The following EWSR1 variants were observed in gnomAD, a reference collection of about 807,000 sequenced individuals.
EWSR1 encodes EWS RNA binding protein 1, also known as RNA-binding protein EWS.
Under a neutral mutation model 92.1 loss-of-function variants are expected in EWSR1, and 14 were observed. The observed-to-expected ratio is 0.15, with a 90% CI of 0.10 to 0.24. The LOEUF (loss-of-function observed/expected upper bound fraction) is 0.24. Among genes scored for constraint, EWSR1 ranks in the 10% least tolerant of loss-of-function variants. The probability of loss-of-function intolerance (pLI) is 1.00; values close to 1 mark genes in which losing one functional copy is unlikely to be tolerated. For missense variants in EWSR1, 637 were observed against 870.9 expected, an observed-to-expected ratio of 0.73 and a Z score of 3.38; for synonymous variants, 303 against 292.9, an observed-to-expected ratio of 1.03 and a Z score of -0.35.
At position 29,291,575 on chromosome 22, in the gene EWSR1, C is replaced by T. The variant is rs1353803652; in HGVS notation, c.988C>T (p.Arg330Ter). 1 of 1,613,448 alleles carries T rather than the reference C, an allele frequency of 6.2e-7. No homozygotes were observed. The highest frequency in any genetic ancestry group is 8.5e-7 in the Non-Finnish European group (1 of 1,179,804). Residue 330 changes from arginine (R) to a stop codon, truncating the protein, a stop_gained, in exon 9 of 17, where the codon CGA becomes TGA. Transcript: ENST00000397938. LOFTEE classifies it high-confidence loss of function. ...GRGGMGSAGE[R>*]GGFNKPGGPM... ...TTATCCCCCCAGCAGCGCTGGAGAG[C>T]GAGGTGGCTTCAATAAGCCTGGTGG...
chr22:29,298,370 G>T (rs1474377997), intron 13 of EWSR1, among the ~76,000 whole-genome samples: 1 of 152,158 alleles, frequency 6.6e-6, no homozygotes, highest in Non-Finnish European at 1.5e-5. Flanking sequence ...GCCGGGTATG[G>T]TGGTGCATGC....
chr22:29,292,689 GT>G, intron 11 of EWSR1, 83 bp downstream of exon 11: 2 of 797,162 alleles, frequency 2.5e-6, no homozygotes, highest in Non-Finnish European at 4.0e-6. Context: ...GTTGAGAGTT[GT>G]TTTCTAAGGT....
At chr22:29,296,461 C>T in intron 12 of EWSR1, 93 bp downstream of exon 12, 1 of 1,482,130 alleles carries the variant, frequency 6.7e-7, no homozygotes, top group Non-Finnish European at 9.2e-7. Context: ...GAAGACCTTC[C>T]ATCTCTTCCT....
chr22:29,278,010 G>T lies in EWSR1; in HGVS notation c.227-20G>T, dbSNP rs139296248. 17 of 1,605,290 alleles carry T rather than the reference G, an allele frequency of 1.1e-5. No individual in the cohort carries two copies. In the African/African-American group the frequency reaches 2.0e-4, roughly 19 times the overall value. On this transcript the variant is annotated intron_variant, in intron 4 of 16. Transcript: ENST00000397938. ...TCTCTGAGGGGACCTGAAATCTGAT[G>T]CAGCTCTCCTTTGTTCTAGGTTATA...
chr22:29,286,091 G>A (rs560155978), intron 6 of EWSR1, among the ~76,000 whole-genome samples: 1 of 152,080 alleles, frequency 6.6e-6, no homozygotes, highest in African/African-American at 2.4e-5. Flanking sequence ...TGCCTGCCTC[G>A]GCCTCCCAAA....
rs71196650 is a variant in EWSR1, at chr22:29,280,862, G to GTT, written c.414-1492_414-1491dup. ...CTAATTTTGTGTGTGTGTGTGTGTT[G>GTT]TTTTTTTTTTTTTTTTTTTTTTTTT... On this transcript the variant is annotated intron_variant, in intron 5 of 16. Transcript: ENST00000397938. Among the ~76,000 whole-genome samples the GTT allele has an allele frequency of 2.5e-4, 16 of 62,902 alleles. 1 individual carries two copies. The highest frequency in any genetic ancestry group is 4.3e-4 in the Non-Finnish European group (14 of 32,242). The allele number at this position is 62,902 out of a possible 152,430, so 41.3% of individuals were successfully genotyped here.
chr22:29,297,386 T>A (rs1189299674), intron 12 of EWSR1, among the ~76,000 whole-genome samples: 1 of 152,144 alleles, frequency 6.6e-6, no homozygotes, highest in Non-Finnish European at 1.5e-5. Flanking sequence ...GGTTTTTAAG[T>A]GTATTTAAGT....
At chr22:29,276,120 A>T (rs1247232125) in intron 4 of EWSR1, 1 of 231,732 alleles carries the variant, frequency 4.3e-6, no homozygotes, top group Non-Finnish European at 8.5e-6. Flanking sequence ...TATTGCCCTG[A>T]TCACTTTTAG....
intron 3 of EWSR1, among the ~76,000 whole-genome samples, chr22:29,273,457 C>T (rs891632164): frequency 1.3e-5 from 2 of 151,954 alleles, no homozygotes; most frequent in African/African-American, 4.8e-5. Flanking sequence ...TGAGGTTTTG[C>T]CTGATTATCT....
chr22:29,283,390 C>G (rs1186368961), intron 6 of EWSR1, among the ~76,000 whole-genome samples: 2 of 152,166 alleles, frequency 1.3e-5, no homozygotes, highest in East Asian at 3.8e-4. Flanking sequence ...GAGTCTCACT[C>G]TGTTGCACAG....
At chr22:29,280,661 G>A (rs1026119674) in intron 5 of EWSR1, among the ~76,000 whole-genome samples, 3 of 150,754 alleles carry the variant, frequency 2.0e-5, no homozygotes, top group African/African-American at 7.3e-5. Flanking sequence ...TGGTTGGTTG[G>A]ATGGTTTGGT....
chr22:29,294,952 T>C (rs1028041504), intron 11 of EWSR1, among the ~76,000 whole-genome samples: 6 of 151,928 alleles, frequency 3.9e-5, no homozygotes, highest in Admixed American at 1.3e-4. Context: ...GTAAATCTTA[T>C]ATAAGGTGAT....
intron 4 of EWSR1, chr22:29,276,166 T>TA (rs1419610209): frequency 4.3e-6 from 1 of 231,232 alleles, no homozygotes; most frequent in Non-Finnish European, 8.6e-6. Context: ...TTGTAAATCT[T>TA]ATAGACGTGT....
chr22:29,278,387 G>A (rs1307859862), intron 5 of EWSR1, among the ~76,000 whole-genome samples, 171 bp downstream of exon 5: 3 of 152,218 alleles, frequency 2.0e-5, no homozygotes, highest in Non-Finnish European at 2.9e-5. Flanking sequence ...GAAATATTCT[G>A]CATTTAACAG....
intron 8 of EWSR1, 161 bp from the exon 9 acceptor site, chr22:29,291,401 A>G: frequency 1.6e-6 from 1 of 641,074 alleles, no homozygotes; most frequent in Non-Finnish European, 2.6e-6. Flanking sequence ...AGGAAATTTG[A>G]GCAAGCTGCC....
Position 29,282,816 on chromosome 22 carries a change from G to A in EWSR1, c.581+259G>A, listed in dbSNP as rs188810156. 3.6e-3 allele frequency among the ~76,000 whole-genome samples: 529 copies of A among 148,356 alleles called. 3 individuals are homozygous for A. The highest frequency in any genetic ancestry group is 0.012 in the African/African-American group (469 of 40,010). On this transcript the variant is annotated intron_variant, in intron 6 of 16. Transcript: ENST00000397938. ...CTCTCTCTGTCGCCCAGGCTGGAGTGCAGTGGCGCGATCTCGGCTCACTGC... is the reference window on the plus strand; with the variant it reads ...CTCTCTCTGTCGCCCAGGCTGGAGTACAGTGGCGCGATCTCGGCTCACTGC...
rs150734586 is a variant in EWSR1 at position 29,273,806 on chromosome 22, G to C, written c.168G>C (p.Gln56His). ...CTGATGTCAGCTATACCCAGGCTCA[G>C]ACCACTGCAACCTATGGGCAGACCG... ...QPTDVSYTQA[Q>H]TTATYGQTAY... is the part of the protein sequence containing the mutation. Residue 56 changes from glutamine to histidine, a missense_variant, in exon 4 of 17, where the codon CAG (glutamine) becomes CAC (histidine). Coordinates refer to ENST00000397938, the MANE Select transcript of EWSR1 (RefSeq NM_005243.4). 7 of 1,613,904 alleles carry C rather than the reference G, an allele frequency of 4.3e-6. No individual in the cohort carries two copies. The African/African-American group carries it at 5.3e-5, about 12-fold the overall frequency.
At chr22:29,289,541 C>T (rs956014530) in intron 8 of EWSR1, 8 of 232,168 alleles carry the variant, frequency 3.4e-5, no homozygotes, top group African/African-American at 1.8e-4. Flanking sequence ...GGTGTCTGTA[C>T]TTTGATGAAG....
rs1200920274 is a variant in EWSR1, at chr22:29,278,221, G to C, written c.413+5G>C. ...AGCAGCCACTGCACCTACAAGGTAAGGCCATGGTGTCCTTAATGCGTCAGT... is the reference window on the plus strand; with the variant it reads ...AGCAGCCACTGCACCTACAAGGTAACGCCATGGTGTCCTTAATGCGTCAGT... On this transcript the variant is annotated splice_donor_5th_base_variant and intron_variant, in intron 5 of 16. Transcript: ENST00000397938. 3.1e-6 allele frequency: 5 copies of C among 1,612,960 alleles called. No individual in the cohort carries two copies. The African/African-American group carries it at 6.7e-5, about 22-fold the overall frequency.
Sources: allele counts gnomAD v4.1 joint callset (sites outside exome capture counted in the v4.1 genomes callset), GRCh38; gene constraint gnomAD v4.1.1; transcripts MANE v1.5; gene names NCBI Gene and HGNC (gene_info 2026-07-23, HGNC 2026-07-21).